The following INIP variants were observed in gnomAD, a reference collection of about 807,000 sequenced individuals.
The protein encoded by INIP is INTS3 and NABP interacting protein, also known as SOSS complex subunit C.
INIP carries 9 observed loss-of-function variants against 14.0 expected under a neutral mutation model. That is an observed-to-expected ratio of 0.64 (90% CI 0.39 to 1.12). INIP has a LOEUF of 1.12. INIP is among the 50% of genes most tolerant of loss of function. INIP has a pLI of 0.01. For missense variants in INIP, 78 were observed against 122.7 expected, an observed-to-expected ratio of 0.64 and a Z score of 1.72; for synonymous variants, 37 against 41.5, an observed-to-expected ratio of 0.89 and a Z score of 0.41.
At chr9:112,688,118 A>C (rs1837749737) in intron 4 of INIP, among the ~76,000 whole-genome samples, 1 of 150,130 alleles carries the variant, frequency 6.7e-6, no homozygotes, top group Admixed American at 6.6e-5. Flanking sequence ...ATAAATAAAT[A>C]AATAAATCAG....
chr9:112,705,502 G>T (rs546173552), intron 2 of INIP, among the ~76,000 whole-genome samples: 1 of 152,052 alleles, frequency 6.6e-6, no homozygotes, highest in East Asian at 1.9e-4. Context: ...ATACAAATGG[G>T]GTCCCCTTGT....
At chr9:112,693,834 G>A (rs1053211669) in intron 3 of INIP, among the ~76,000 whole-genome samples, 1 of 152,162 alleles carries the variant, frequency 6.6e-6, no homozygotes, top group Non-Finnish European at 1.5e-5. Context: ...CAGCACTTTG[G>A]GAGACCAAGG....
intron 3 of INIP, among the ~76,000 whole-genome samples, chr9:112,691,646 G>T (rs139606405): frequency 6.6e-6 from 1 of 152,218 alleles, no homozygotes; most frequent in African/African-American, 2.4e-5. Context: ...GTCCACAAAA[G>T]AAATCAAGAT....
At chr9:112,695,646 T>G (rs1363022797) in intron 2 of INIP, among the ~76,000 whole-genome samples, 2 of 151,858 alleles carry the variant, frequency 1.3e-5, no homozygotes, top group Non-Finnish European at 2.9e-5. Context: ...CATTTTCCCC[T>G]CTCTGCCCAC....
chr9:112,705,300 C>G (rs1838423476), intron 2 of INIP, among the ~76,000 whole-genome samples: 1 of 151,908 alleles, frequency 6.6e-6, no homozygotes, highest in African/African-American at 2.4e-5. Flanking sequence ...TAAACAATGT[C>G]TAAATGTTTT....
At chr9:112,689,061 A>G (rs1210663214) in intron 4 of INIP, among the ~76,000 whole-genome samples, 2 of 152,084 alleles carry the variant, frequency 1.3e-5, no homozygotes, top group African/African-American at 2.4e-5. Context: ...GAAGCACCAC[A>G]TTTCTAGTCC....
intron 2 of INIP, among the ~76,000 whole-genome samples, chr9:112,712,304 C>T (rs1044737816): frequency 6.6e-6 from 1 of 152,154 alleles, no homozygotes; most frequent in African/African-American, 2.4e-5. Flanking sequence ...AAGATTTCTG[C>T]CCAACACAGG....
In INIP at chr9:112,684,963, C is replaced by T. The variant is rs1174349905; in HGVS notation, c.*2575G>A. 2.6e-5 allele frequency: 4 copies of T among 152,376 alleles called. No individual in the cohort carries two copies. The highest frequency in any genetic ancestry group is 9.6e-5 in the African/African-American group (4 of 41,464). The allele number at this position is 152,376 out of a possible 1,614,324, so 9.4% of individuals were successfully genotyped here. A position where few individuals can be genotyped will look rare whatever the true frequency, so the allele number is the denominator to read the frequency against. On this transcript the variant is annotated 3_prime_UTR_variant, in exon 5 of 5. Coordinates refer to ENST00000374242, the MANE Select transcript of INIP (RefSeq NM_021218.3). ...TGCTCTTCTCCTCTCATTCTGAAAC[C>T]TTGCTCTGCACGTGGAGCAGCTCTT...
At chr9:112,702,753 C>T (rs541913576) in intron 2 of INIP, among the ~76,000 whole-genome samples, 3 of 152,072 alleles carry the variant, frequency 2.0e-5, no homozygotes, top group African/African-American at 4.8e-5. Context: ...TTAATAGAAA[C>T]GGAGTTTCAA....
intron 2 of INIP, among the ~76,000 whole-genome samples, chr9:112,702,194 G>A (rs1711739): frequency 0.16 from 24,676 of 152,076 alleles, 2,764 homozygotes; most frequent in African/African-American, 0.31. Context: ...TCTGTTGTTT[G>A]CAGCAGTATC....
rs1837674898 is a variant in INIP at position 112,686,563 on chromosome 9, C to G, written c.*975G>C. ...CCAGGCTGGAGTGCAGTGACACCGT[C>G]TCAGCTCACTGCAACCCCTGCCTCC... On this transcript the variant is annotated 3_prime_UTR_variant, in exon 5 of 5. Coordinates refer to ENST00000374242, the MANE Select transcript of INIP (RefSeq NM_021218.3). 6.6e-6 allele frequency: 1 copy of G among 152,246 alleles called. No homozygotes were observed. The highest frequency in any genetic ancestry group is 1.5e-5 in the Non-Finnish European group (1 of 68,064). 9.4% of individuals were successfully genotyped at this position (152,246 alleles called of 1,614,324 possible).
In INIP at chr9:112,695,255, GAA is replaced by G. The variant is rs60657759; in HGVS notation, c.26-1024_26-1023del. Reference sequence around the variant, plus strand: ...TAAAGGACTGGAAAACAGAACTACAGAAAAAAAAAAAAAAAAAAAGATAAGGA... The same window carrying G: ...TAAAGGACTGGAAAACAGAACTACAGAAAAAAAAAAAAAAAAAGATAAGGA... On this transcript the variant is annotated intron_variant, in intron 2 of 4. Transcript: ENST00000374242. Among the ~76,000 whole-genome samples the G allele has an allele frequency of 9.6e-3, 622 of 64,672 alleles. 5 individuals are homozygous for G. The highest frequency in any genetic ancestry group is 0.031 in the African/African-American group (499 of 16,348). 42.4% of individuals were successfully genotyped at this position (64,672 alleles called of 152,430 possible). A position where few individuals can be genotyped will look rare whatever the true frequency, so the allele number is the denominator to read the frequency against.
chr9:112,704,344 G>A (rs973074974), intron 2 of INIP, among the ~76,000 whole-genome samples: 1 of 152,164 alleles, frequency 6.6e-6, no homozygotes, highest in African/African-American at 2.4e-5. Flanking sequence ...GATTGCTCAG[G>A]AAAGGAAACA....
In INIP at chr9:112,685,611, T is replaced by C. The variant is rs1837631973; in HGVS notation, c.*1927A>G. 6.6e-6 allele frequency: 1 copy of C among 152,168 alleles called. No individual in the cohort carries two copies. Among genetic ancestry groups the C allele is most frequent in the Admixed American group, 6.5e-5 (1 of 15,282 alleles). 9.4% of individuals were successfully genotyped at this position (152,168 alleles called of 1,614,324 possible). A position where few individuals can be genotyped will look rare whatever the true frequency, so the allele number is the denominator to read the frequency against. On this transcript the variant is annotated 3_prime_UTR_variant, in exon 5 of 5. Coordinates refer to ENST00000374242, the MANE Select transcript of INIP (RefSeq NM_021218.3). ...TGAGCTACAAAAGTCATACATTAGGTAGAGGCTTCAATAGTGTAGAAAATA... is the reference window on the plus strand; with the variant it reads ...TGAGCTACAAAAGTCATACATTAGGCAGAGGCTTCAATAGTGTAGAAAATA...
chr9:112,716,651 G>A, intron 1 of INIP, 110 bp from the exon 2 acceptor site: 1 of 558,208 alleles, frequency 1.8e-6, no homozygotes, highest in Non-Finnish European at 3.2e-6. Context: ...AATCTCTTCA[G>A]AAAGATACAT....
chr9:112,684,847 A>G lies in INIP; in HGVS notation c.*2691T>C, dbSNP rs1837600948. On this transcript the variant is annotated 3_prime_UTR_variant, in exon 5 of 5. Coordinates refer to ENST00000374242, the MANE Select transcript of INIP (RefSeq NM_021218.3). ...ACAAAGATATTAACTGAGTTCCTCA[A>G]ATTCACCCATGATCTGAGGGAAGCA... 6.6e-6 allele frequency: 1 copy of G among 152,176 alleles called. No homozygotes were observed. Among genetic ancestry groups the G allele is most frequent in the South Asian group, 2.1e-4 (1 of 4,826 alleles). 9.4% of individuals were successfully genotyped at this position (152,176 alleles called of 1,614,324 possible).
At chr9:112,693,252 A>G (rs1178328972) in intron 3 of INIP, among the ~76,000 whole-genome samples, 2 of 152,162 alleles carry the variant, frequency 1.3e-5, no homozygotes, top group African/African-American at 4.8e-5. Context: ...TTGCTTAAAA[A>G]TAAAAATAAA....
chr9:112,711,371 A>G (rs1838644409), intron 2 of INIP, among the ~76,000 whole-genome samples: 3 of 152,160 alleles, frequency 2.0e-5, no homozygotes, highest in Admixed American at 2.0e-4. Context: ...ATCTAAATTC[A>G]TTTCTATTTA....
chr9:112,690,894 C>T (rs1427309942), intron 3 of INIP, among the ~76,000 whole-genome samples: 1 of 152,140 alleles, frequency 6.6e-6, no homozygotes, highest in African/African-American at 2.4e-5. Context: ...CCTGAGGGAG[C>T]CACTGACCCA....
Sources: gnomAD v4.1 joint callset for allele counts (sites outside exome capture counted in the v4.1 genomes callset) on GRCh38, gnomAD v4.1.1 for gene constraint, MANE v1.5 for transcripts, NCBI Gene and HGNC (gene_info 2026-07-23, HGNC 2026-07-21) for gene names.